Variants in COMMD6 observed in about 807,000 individuals in gnomAD.
COMMD6 encodes COMM domain-containing protein 6.
COMMD6 carries 11 observed loss-of-function variants against 13.4 expected under a neutral mutation model. That is an observed-to-expected ratio of 0.82 (90% CI 0.52 to 1.36). COMMD6 has a LOEUF of 1.36. Among genes scored for constraint, COMMD6 ranks in the 40% most tolerant of loss-of-function variants. The pLI, the probability that COMMD6 is intolerant of heterozygous loss-of-function variation, is 0.00. For synonymous variants in COMMD6, 43 were observed against 36.5 expected (o/e 1.18, Z -0.64); for missense variants, 124 against 102.4 (o/e 1.21, Z -0.91).
At chr13:75,535,216 C>T (rs548391591) in intron 2 of COMMD6, among the ~76,000 whole-genome samples, 6 of 152,262 alleles carry the variant, frequency 3.9e-5, no homozygotes, top group Middle Eastern at 6.8e-3. Context: ...CAATGAGGCC[C>T]AGGTGGCTGG....
chr13:75,528,202 G>A lies in COMMD6; in HGVS notation c.208-1563C>T, dbSNP rs946787969. Among the ~76,000 whole-genome samples the A allele has an allele frequency of 2.0e-5, 3 of 151,666 alleles. No individual in the cohort carries two copies. In the East Asian group the frequency reaches 5.8e-4, roughly 29 times the overall value. ...GTCAACTGTACCTCAATAAAGCTGGGGAAAAAAAGTTAATCCAATTGTGAT... is the reference window on the plus strand; with the variant it reads ...GTCAACTGTACCTCAATAAAGCTGGAGAAAAAAAGTTAATCCAATTGTGAT... On this transcript the variant is annotated intron_variant, in intron 3 of 3. Transcript: ENST00000682242.
chr13:75,545,173 G>A lies in COMMD6; in HGVS notation n.106+4150C>T, dbSNP rs557887054. 2.0e-5 allele frequency among the ~76,000 whole-genome samples: 3 copies of A among 152,304 alleles called. No homozygotes were observed. In the South Asian group the frequency reaches 6.2e-4, roughly 32 times the overall value. ...GGGTACAAACCCATGCAGCAGGAAG[G>A]AAGCTGGACATACTGCTATTAAGAT... On this transcript the variant is annotated intron_variant and non_coding_transcript_variant, in intron 1 of 2. Coordinates refer to the COMMD6 transcript ENST00000460675.
intron 1 of COMMD6, among the ~76,000 whole-genome samples, chr13:75,544,484 A>G (rs2030871810): frequency 6.6e-6 from 1 of 152,110 alleles, no homozygotes; most frequent in Non-Finnish European, 1.5e-5. Context: ...GAGACCAGCC[A>G]GGCATGGTGG....
chr13:75,546,654 A>G (rs1338191707), intron 1 of COMMD6, among the ~76,000 whole-genome samples: 1 of 152,242 alleles, frequency 6.6e-6, no homozygotes, highest in African/African-American at 2.4e-5. Context: ...GACAACCATC[A>G]AAATTATACT....
chr13:75,540,638 C>A (rs956565606), upstream of COMMD6, among the ~76,000 whole-genome samples: 2 of 152,144 alleles, frequency 1.3e-5, no homozygotes, highest in Admixed American at 1.3e-4. Context: ...CTCCATCTTA[C>A]AAGAGATCAC....
At chr13:75,539,828 C>T (rs367916061), upstream of COMMD6, among the ~76,000 whole-genome samples, 11 of 152,104 alleles carry the variant, frequency 7.2e-5, no homozygotes, top group South Asian at 2.1e-4. Context: ...GGTTATTGGA[C>T]GTGATTAAAT....
At chr13:75,535,555 G>A (rs888487393) in intron 2 of COMMD6, among the ~76,000 whole-genome samples, 4 of 152,200 alleles carry the variant, frequency 2.6e-5, no homozygotes, top group Non-Finnish European at 4.4e-5. Context: ...TGTATGTCAG[G>A]TGTGAGGGAG....
At chr13:75,545,559 G>A (rs1027812660) in intron 1 of COMMD6, among the ~76,000 whole-genome samples, 13 of 151,488 alleles carry the variant, frequency 8.6e-5, no homozygotes, top group South Asian at 2.1e-4. Context: ...TGCGAGCTCC[G>A]CCTCCTCGGT....
intron 2 of COMMD6, among the ~76,000 whole-genome samples, chr13:75,537,024 T>C (rs2030687137): frequency 6.6e-6 from 1 of 152,240 alleles, no homozygotes; most frequent in East Asian, 1.9e-4. Context: ...TGGACACCTC[T>C]TTCAGCCCCT....
intron 2 of COMMD6, among the ~76,000 whole-genome samples, chr13:75,533,688 A>G (rs549732713): frequency 6.6e-6 from 1 of 152,300 alleles, no homozygotes; most frequent in African/African-American, 2.4e-5. Context: ...GCAGGACTAA[A>G]CTGATCATAT....
chr13:75,546,737 G>C (rs1035739104), intron 1 of COMMD6, among the ~76,000 whole-genome samples: 1 of 152,178 alleles, frequency 6.6e-6, no homozygotes, highest in African/African-American at 2.4e-5. Context: ...ACTGTGCATA[G>C]GCATGCCACT....
At chr13:75,532,776 G>C (rs2030528717) in intron 2 of COMMD6, among the ~76,000 whole-genome samples, 1 of 152,176 alleles carries the variant, frequency 6.6e-6, no homozygotes, top group Non-Finnish European at 1.5e-5. Context: ...AAGTTGACAA[G>C]TGATCAAAAA....
chr13:75,531,542 TAAAGA>T (rs991345795), intron 2 of COMMD6, among the ~76,000 whole-genome samples: 2 of 152,170 alleles, frequency 1.3e-5, no homozygotes, highest in African/African-American at 2.4e-5. Flanking sequence ...AAATTCATTT[TAAAGA>T]AAAGTTCTCC....
chr13:75,540,369 C>CACACAG (rs1245973477), upstream of COMMD6, among the ~76,000 whole-genome samples: 1 of 151,488 alleles, frequency 6.6e-6, no homozygotes, highest in Admixed American at 6.6e-5. Context: ...CACACACACA[C>CACACAG]ACAGACACAC....
intron 1 of COMMD6, among the ~76,000 whole-genome samples, chr13:75,546,224 T>C (rs1316120824): frequency 6.6e-6 from 1 of 152,242 alleles, no homozygotes; most frequent in Non-Finnish European, 1.5e-5. Context: ...TTACTGGGTA[T>C]GGAAATAAGC....
intron 1 of COMMD6, among the ~76,000 whole-genome samples, chr13:75,549,165 A>G (rs1459286164): frequency 1.3e-5 from 2 of 152,216 alleles, no homozygotes; most frequent in African/African-American, 4.8e-5. Flanking sequence ...TCTACTCTAC[A>G]GTGAACTCAA....
intron 1 of COMMD6, among the ~76,000 whole-genome samples, chr13:75,548,616 G>C (rs755498430): frequency 6.6e-6 from 1 of 152,060 alleles, no homozygotes; most frequent in Non-Finnish European, 1.5e-5. Context: ...AATTTTTTCA[G>C]CATTTATTTC....
intron 2 of COMMD6, among the ~76,000 whole-genome samples, chr13:75,536,305 G>A (rs2030661444): frequency 1.3e-5 from 2 of 152,338 alleles, no homozygotes; most frequent in South Asian, 4.1e-4. Flanking sequence ...GTTTGTAAAT[G>A]ATCTTGGCTT....
intron 2 of COMMD6, 192 bp from the exon 3 acceptor site, chr13:75,530,458 A>G: frequency 2.6e-6 from 1 of 391,496 alleles, no homozygotes; most frequent in Non-Finnish European, 4.5e-6. Context: ...TAAGGGATAT[A>G]AACAGTTAAA....
Sources: allele counts gnomAD v4.1 joint callset (sites outside exome capture counted in the v4.1 genomes callset), GRCh38; gene constraint gnomAD v4.1.1; transcripts MANE v1.5; gene names NCBI Gene and HGNC (gene_info 2026-07-23, HGNC 2026-07-21).